Variants in GMCL1 observed in about 807,000 individuals in gnomAD.
GMCL1 encodes germ cell-less protein-like 1.
GMCL1 carries 54 observed loss-of-function variants against 75.5 expected under a neutral mutation model. The observed-to-expected ratio is 0.71, with a 90% CI of 0.57 to 0.90. GMCL1 has a LOEUF of 0.90. GMCL1 is among the 40% of genes least tolerant of loss of function. GMCL1 has a pLI of 0.00. For synonymous variants in GMCL1, 210 were observed against 209.6 expected (o/e 1.00, Z -0.02); for missense variants, 537 against 622.7 (o/e 0.86, Z 1.47).
At position 69,848,968 on chromosome 2, in the gene GMCL1, C is replaced by T. The variant is rs1176145179; in HGVS notation, c.844-684C>T. On this transcript the variant is annotated intron_variant, in intron 7 of 13. Transcript: ENST00000282570. ...AAGCTCCTTTTTCCCATGTTCATTT[C>T]TTGCTTTTATAATCTCATATAGTAT... Among the ~76,000 whole-genome samples the T allele has an allele frequency of 2.0e-5, 3 of 152,042 alleles. No individual in the cohort carries two copies. The East Asian group carries it at 5.8e-4, about 29-fold the overall frequency.
Position 69,861,348 on chromosome 2 carries a change from G to A in GMCL1, c.1142+1G>A. ...GGGCAGAACAGGACAGTGAGGTGGGGTAAGTATATTATACCTTATCATTTT... is the reference window on the plus strand; with the variant it reads ...GGGCAGAACAGGACAGTGAGGTGGGATAAGTATATTATACCTTATCATTTT... On this transcript the variant is annotated splice_donor_variant, in intron 10 of 13. Coordinates refer to ENST00000282570, the MANE Select transcript of GMCL1 (RefSeq NM_178439.5). LOFTEE classifies it high-confidence loss of function. 1.3e-6 allele frequency: 2 copies of A among 1,596,152 alleles called. No individual in the cohort carries two copies. Among genetic ancestry groups the A allele is most frequent in the Non-Finnish European group, 1.7e-6 (2 of 1,166,274 alleles).
rs1164625502 is a variant in GMCL1 at position 69,879,845 on chromosome 2, C to T, written c.*841C>T. ...ATGTACCAGATATTATAGTTTTAAA[C>T]ATTTTAATATTCTCTGATCTTTAGA... On this transcript the variant is annotated 3_prime_UTR_variant, in exon 14 of 14. Coordinates refer to ENST00000282570, the MANE Select transcript of GMCL1 (RefSeq NM_178439.5). The T allele has an allele frequency of 6.6e-6, 1 of 152,214 alleles. No homozygotes were observed. The highest frequency in any genetic ancestry group is 2.1e-4 in the South Asian group (1 of 4,824). The allele number at this position is 152,214 out of a possible 1,614,324, so 9.4% of individuals were successfully genotyped here. A position where few individuals can be genotyped will look rare whatever the true frequency, so the allele number is the denominator to read the frequency against.
intron 13 of GMCL1, among the ~76,000 whole-genome samples, chr2:69,872,560 C>T (rs1676012786): frequency 6.6e-6 from 1 of 152,140 alleles, no homozygotes; most frequent in Non-Finnish European, 1.5e-5. Flanking sequence ...ATAGAACATC[C>T]TTAGCATTGC....
intron 1 of GMCL1, among the ~76,000 whole-genome samples, chr2:69,832,081 C>T (rs924215729): frequency 6.6e-6 from 1 of 152,036 alleles, no homozygotes; most frequent in Non-Finnish European, 1.5e-5. Flanking sequence ...ACTAACCAGT[C>T]GTGGTGGCAG....
chr2:69,837,743 T>C, intron 2 of GMCL1, 73 bp downstream of exon 2: 4 of 1,494,654 alleles, frequency 2.7e-6, no homozygotes, highest in Non-Finnish European at 3.6e-6. Flanking sequence ...TCATTGCACT[T>C]CACAGTAATC....
intron 13 of GMCL1, among the ~76,000 whole-genome samples, chr2:69,874,756 T>G (rs969220083): frequency 6.6e-6 from 1 of 151,776 alleles, no homozygotes; most frequent in Admixed American, 6.6e-5. Flanking sequence ...TTTTTTTTTT[T>G]TCCGAGACAG....
intron 11 of GMCL1, among the ~76,000 whole-genome samples, chr2:69,866,972 T>A (rs1252304895): frequency 1.3e-5 from 2 of 151,302 alleles, no homozygotes; most frequent in Non-Finnish European, 2.9e-5. Context: ...TGAGACAGAG[T>A]CTCACTCTGT....
chr2:69,877,735 A>T (rs1434949201), intron 13 of GMCL1, among the ~76,000 whole-genome samples: 1 of 143,272 alleles, frequency 7.0e-6, no homozygotes, highest in African/African-American at 2.8e-5. Context: ...TGTGTGTGTG[A>T]GACATTTGTA....
At chr2:69,874,743 CT>C (rs35583745) in intron 13 of GMCL1, among the ~76,000 whole-genome samples, 139 of 139,876 alleles carry the variant, frequency 9.9e-4, no homozygotes, top group Middle Eastern at 3.8e-3. Context: ...ATAGTTTTTA[CT>C]TTTTTTTTTT....
At chr2:69,846,846 G>A (rs185899047) in intron 6 of GMCL1, among the ~76,000 whole-genome samples, 78 of 151,218 alleles carry the variant, frequency 5.2e-4, no homozygotes, top group African/African-American at 1.8e-3. Flanking sequence ...TTTGGTTTTG[G>A]AGACAGTGTC....
intron 12 of GMCL1, 133 bp downstream of exon 12, chr2:69,869,997 G>A (rs1675941725): frequency 5.0e-6 from 4 of 802,230 alleles, no homozygotes; most frequent in South Asian, 4.9e-5. Flanking sequence ...AGGAAATGAC[G>A]AGGCTCCATT....
At chr2:69,857,994 A>G (rs531346477) in intron 9 of GMCL1, among the ~76,000 whole-genome samples, 1 of 152,296 alleles carries the variant, frequency 6.6e-6, no homozygotes, top group East Asian at 1.9e-4. Context: ...GCCCTTTCCC[A>G]TATTCTTTGT....
chr2:69,853,251 T>C (rs1487077952), intron 8 of GMCL1, among the ~76,000 whole-genome samples: 1 of 152,248 alleles, frequency 6.6e-6, no homozygotes, highest in Non-Finnish European at 1.5e-5. Context: ...GGAACCAATG[T>C]TGTTATTTTT....
chr2:69,863,738 T>C (rs959727888), intron 10 of GMCL1, among the ~76,000 whole-genome samples: 1 of 152,236 alleles, frequency 6.6e-6, no homozygotes, highest in Non-Finnish European at 1.5e-5. Context: ...TTTAGCATGA[T>C]CTGTGGGGAC....
At chr2:69,839,171 C>G (rs535558312) in intron 2 of GMCL1, among the ~76,000 whole-genome samples, 1 of 152,136 alleles carries the variant, frequency 6.6e-6, no homozygotes, top group African/African-American at 2.4e-5. Flanking sequence ...AAAAGCTAAC[C>G]AGGTTCAAAT....
intron 6 of GMCL1, among the ~76,000 whole-genome samples, chr2:69,845,482 C>T (rs1472713118): frequency 6.6e-6 from 1 of 152,146 alleles, no homozygotes; most frequent in Admixed American, 6.5e-5. Context: ...TGGTATGTTG[C>T]CCAGGCTAGA....
intron 8 of GMCL1, 49 bp from the exon 9 acceptor site, chr2:69,854,774 A>G: frequency 6.6e-7 from 1 of 1,526,354 alleles, no homozygotes; most frequent in Non-Finnish European, 8.9e-7. Context: ...ACATTTAAGA[A>G]TAATAGGTTT....
At chr2:69,837,729 T>C (rs1674859561) in intron 2 of GMCL1, 59 bp downstream of exon 2, 1 of 1,537,178 alleles carries the variant, frequency 6.5e-7, no homozygotes, top group South Asian at 1.2e-5. Flanking sequence ...AGTCATGTTC[T>C]TCCTCATTGC....
At chr2:69,864,836 A>T in intron 10 of GMCL1, 64 bp from the exon 11 acceptor site, 1 of 1,058,234 alleles carries the variant, frequency 9.4e-7, no homozygotes, top group Non-Finnish European at 1.4e-6. Context: ...CTTAACTCAT[A>T]GTTCTTTTTT....
Sources: gnomAD v4.1 joint callset for allele counts (sites outside exome capture counted in the v4.1 genomes callset) on GRCh38, gnomAD v4.1.1 for gene constraint, MANE v1.5 for transcripts, NCBI Gene and HGNC (gene_info 2026-07-23, HGNC 2026-07-21) for gene names.